DNAH7: variants seen among roughly 807,000 people sequenced by gnomAD.
DNAH7 encodes dynein axonemal heavy chain 7.
Under a neutral mutation model 444.6 loss-of-function variants are expected in DNAH7, and 397 were observed. The ratio of observed to expected loss-of-function variants is 0.89; its 90% confidence interval spans 0.82 to 0.97. DNAH7 has a LOEUF of 0.97. Among genes scored for constraint, DNAH7 ranks in the 50% least tolerant of loss-of-function variants. The probability of loss-of-function intolerance (pLI) is 0.00; values close to 1 mark genes in which losing one functional copy is unlikely to be tolerated. For synonymous variants in DNAH7, 1,636 were observed against 1,624.4 expected, an observed-to-expected ratio of 1.01 and a Z score of -0.17; for missense variants, 4,902 against 4,800.8, an observed-to-expected ratio of 1.02 and a Z score of -0.62.
chr2:195,988,836 C>G (rs1455595641), intron 12 of DNAH7, among the ~76,000 whole-genome samples: 3 of 152,272 alleles, frequency 2.0e-5, no homozygotes, highest in Non-Finnish European at 4.4e-5. Context: ...CCATCTCCCC[C>G]ATTCCTTGCT....
chr2:195,748,303 G>C (rs1693554542), intron 63 of DNAH7, among the ~76,000 whole-genome samples: 1 of 152,110 alleles, frequency 6.6e-6, no homozygotes, highest in South Asian at 2.1e-4. Flanking sequence ...TCTTCAAGGA[G>C]AACTACAAAC....
At chr2:195,856,206 A>G (rs1157175305) in intron 44 of DNAH7, among the ~76,000 whole-genome samples, 2 of 152,236 alleles carry the variant, frequency 1.3e-5, no homozygotes, top group Non-Finnish European at 2.9e-5. Context: ...GACATCAAAT[A>G]TACAAAAAAC....
chr2:195,765,645 A>C (rs1295359468), intron 61 of DNAH7, among the ~76,000 whole-genome samples: 1 of 152,230 alleles, frequency 6.6e-6, no homozygotes, highest in Non-Finnish European at 1.5e-5. Flanking sequence ...GTCACTGATC[A>C]TCAGAGAAAC....
At chr2:195,800,725 A>C (rs1352095439) in intron 54 of DNAH7, among the ~76,000 whole-genome samples, 2 of 152,202 alleles carry the variant, frequency 1.3e-5, no homozygotes, top group African/African-American at 4.8e-5. Context: ...CAGAAATTGA[A>C]ACAATGTTGT....
chr2:195,747,402 C>A (rs1344715216), intron 63 of DNAH7, among the ~76,000 whole-genome samples: 5 of 152,154 alleles, frequency 3.3e-5, no homozygotes, highest in African/African-American at 1.2e-4. Context: ...CTAATTCTAC[C>A]AGAGGCACAA....
At chr2:195,902,914 A>G (rs1360596104) in intron 27 of DNAH7, 2 of 152,184 alleles carry the variant, frequency 1.3e-5, no homozygotes, top group Non-Finnish European at 2.9e-5. Flanking sequence ...TGTACCAGAA[A>G]TAATTTGTTG....
chr2:195,917,516 C>T (rs2125331585), intron 24 of DNAH7, among the ~76,000 whole-genome samples: 1 of 152,340 alleles, frequency 6.6e-6, no homozygotes, highest in Non-Finnish European at 1.5e-5. Context: ...TCAAGTTGTC[C>T]ACTTGGCCCT....
intron 28 of DNAH7, 122 bp downstream of exon 28, chr2:195,900,160 T>C (rs1686612086): frequency 1.8e-6 from 2 of 1,085,772 alleles, no homozygotes; most frequent in East Asian, 2.4e-5. Flanking sequence ...ATTTTTGGTT[T>C]AATAATTGAT....
Position 195,946,919 on chromosome 2 carries a change from A to G in DNAH7, c.3079-10127T>C, listed in dbSNP as rs537924676. On this transcript the variant is annotated intron_variant, in intron 19 of 64. Coordinates refer to ENST00000312428, the MANE Select transcript of DNAH7 (RefSeq NM_018897.3). Reference sequence around the variant, plus strand: ...TTGAAACAGGTACAAAACTCTCTTAATAAGCAAAAGTGACTGAAAAATTCT... The same window carrying G: ...TTGAAACAGGTACAAAACTCTCTTAGTAAGCAAAAGTGACTGAAAAATTCT... Among the ~76,000 whole-genome samples the G allele has an allele frequency of 1.6e-4, 24 of 152,174 alleles. 1 individual carries two copies. The highest frequency in any genetic ancestry group is 1.3e-3 in the Admixed American group (20 of 15,260).
intron 30 of DNAH7, chr2:195,893,801 T>C (rs1559194883): frequency 6.6e-6 from 1 of 152,196 alleles, no homozygotes. Flanking sequence ...TAATGAGCCA[T>C]TTAGACTTTA....
At chr2:196,038,687 T>C (rs899255012) in intron 5 of DNAH7, among the ~76,000 whole-genome samples, 2 of 152,198 alleles carry the variant, frequency 1.3e-5, no homozygotes, top group Non-Finnish European at 2.9e-5. Flanking sequence ...TTGCATGGTA[T>C]ATCTTCACTT....
intron 55 of DNAH7, among the ~76,000 whole-genome samples, chr2:195,798,778 C>G (rs1696299141): frequency 6.6e-6 from 1 of 151,918 alleles, no homozygotes; most frequent in Non-Finnish European, 1.5e-5. Context: ...GATGTCCTGA[C>G]CTCGTGATCT....
At position 195,853,365 on chromosome 2, in the gene DNAH7, G is replaced by A. The variant is rs560057100; in HGVS notation, c.8759C>T (p.Ala2920Val). 1 of 1,613,926 alleles carries A rather than the reference G, an allele frequency of 6.2e-7. No homozygotes were observed. Among genetic ancestry groups the A allele is most frequent in the South Asian group, 1.1e-5 (1 of 91,058 alleles). Residue 2920 changes from alanine to valine, a missense_variant, in exon 46 of 65, where the codon GCC becomes GTC. Physicochemically the swap from Ala to Val is moderately conservative, Grantham distance 64. Transcript: ENST00000312428. The stretch of plus-strand genomic sequence containing the variant: ...TACCTGTCTATAGGTGGATGTGAAG[G>A]CTCCGAGGTAAGCAACCACTCCGGA... ...ISSGVVAYLGAFTSTYRQNQT... is the reference protein window; with the variant it reads ...ISSGVVAYLGVFTSTYRQNQT...
intron 19 of DNAH7, among the ~76,000 whole-genome samples, chr2:195,951,290 C>T (rs941096190): frequency 6.6e-6 from 1 of 152,148 alleles, no homozygotes; most frequent in Non-Finnish European, 1.5e-5. Context: ...TTTGATTGCA[C>T]CATGGTCTGA....
rs527524769 is a variant in DNAH7 at position 195,778,409 on chromosome 2, G to A, written c.10879-424C>T. Among the ~76,000 whole-genome samples, 12 of 150,682 alleles carry A rather than the reference G, an allele frequency of 8.0e-5. 1 individual carries two copies. In the South Asian group the frequency reaches 1.9e-3, roughly 24 times the overall value. On this transcript the variant is annotated intron_variant, in intron 58 of 64. Coordinates refer to ENST00000312428, the MANE Select transcript of DNAH7 (RefSeq NM_018897.3). ...TCCCAGCACTTTGAGAGGCCAAGGC[G>A]AGAGAATCACTTGAGCCCAGTAGTT...
chr2:195,994,089 A>T (rs1031151518), intron 12 of DNAH7, among the ~76,000 whole-genome samples: 11 of 152,208 alleles, frequency 7.2e-5, no homozygotes, highest in Admixed American at 6.5e-4. Context: ...TTATTTTTTT[A>T]AATTCATTAA....
intron 57 of DNAH7, among the ~76,000 whole-genome samples, chr2:195,791,180 A>T (rs756663114): frequency 2.0e-5 from 3 of 152,070 alleles, no homozygotes; most frequent in South Asian, 2.1e-4. Context: ...ATTACTAAAA[A>T]GTCAAGGCCA....
intron 19 of DNAH7, among the ~76,000 whole-genome samples, chr2:195,941,981 A>G (rs796571253): frequency 1.1e-4 from 16 of 152,142 alleles, no homozygotes; most frequent in African/African-American, 3.8e-4. Context: ...AACATTTACC[A>G]AGGGCTAATA....
chr2:195,869,366 C>T (rs1000995122), intron 40 of DNAH7, among the ~76,000 whole-genome samples: 3 of 150,216 alleles, frequency 2.0e-5, no homozygotes, highest in Non-Finnish European at 4.4e-5. Flanking sequence ...AATAATGTAC[C>T]AAACATCCTT....
Sources: gnomAD v4.1 joint callset for allele counts (sites outside exome capture counted in the v4.1 genomes callset) on GRCh38, gnomAD v4.1.1 for gene constraint, MANE v1.5 for transcripts, NCBI Gene and HGNC (gene_info 2026-07-23, HGNC 2026-07-21) for gene names.